Variants in CCDC171 observed in about 807,000 individuals in gnomAD.
The protein encoded by CCDC171 is coiled-coil domain containing 171.
Under a neutral mutation model 168.2 loss-of-function variants are expected in CCDC171, and 177 were observed. That is an observed-to-expected ratio of 1.05 (90% CI 0.93 to 1.19). CCDC171 has a LOEUF of 1.19. Among genes scored for constraint, CCDC171 ranks in the 50% most tolerant of loss-of-function variants. The pLI is 0.00. For missense variants in CCDC171, 1,991 were observed against 1,539.0 expected (o/e 1.29, Z -4.91); for synonymous variants, 687 against 540.8 (o/e 1.27, Z -3.75).
chr9:15,795,554 G>T (rs1415222914), intron 21 of CCDC171, among the ~76,000 whole-genome samples: 1 of 152,182 alleles, frequency 6.6e-6, no homozygotes, highest in African/African-American at 2.4e-5. Context: ...AACACCAAAT[G>T]ATGAGAAGGA....
At chr9:16,052,700 A>G (rs1833770346) in intron 1 of CCDC171, among the ~76,000 whole-genome samples, 1 of 152,042 alleles carries the variant, frequency 6.6e-6, no homozygotes, top group African/African-American at 2.4e-5. Context: ...GATTTGTTCC[A>G]TGATCTCAAG....
the CCDC171 span, among the ~76,000 whole-genome samples, chr9:16,079,433 G>C: frequency 1.3e-5 from 2 of 152,206 alleles, no homozygotes; most frequent in African/African-American, 4.8e-5. Flanking sequence ...GGGAAATGTG[G>C]AGACAATTAT....
At chr9:15,675,507 G>T (rs968132725) in intron 9 of CCDC171, among the ~76,000 whole-genome samples, 34 of 152,080 alleles carry the variant, frequency 2.2e-4, no homozygotes, top group African/African-American at 8.2e-4. Flanking sequence ...GCAGTGGCTG[G>T]TACCAGTTGT....
intron 25 of CCDC171, among the ~76,000 whole-genome samples, chr9:15,967,258 G>C (rs1314544521): frequency 6.6e-6 from 1 of 152,176 alleles, no homozygotes; most frequent in Non-Finnish European, 1.5e-5. Context: ...TCTTGTGGGT[G>C]CTTTGATTTC....
intron 11 of CCDC171, among the ~76,000 whole-genome samples, chr9:15,699,529 C>G (rs1328291757): frequency 1.3e-5 from 2 of 152,134 alleles, no homozygotes; most frequent in Non-Finnish European, 2.9e-5. Flanking sequence ...TGACAGGGCA[C>G]TGATTGGTGC....
At chr9:15,613,552 C>G (rs1418305060) in intron 6 of CCDC171, among the ~76,000 whole-genome samples, 3 of 141,612 alleles carry the variant, frequency 2.1e-5, no homozygotes, top group African/African-American at 7.9e-5. Context: ...CAGATGGAGT[C>G]TCGCTCTGTC....
chr9:15,925,590 A>C (rs1458066204), intron 25 of CCDC171, among the ~76,000 whole-genome samples: 1 of 151,626 alleles, frequency 6.6e-6, no homozygotes, highest in East Asian at 1.9e-4. Context: ...GTGAGGAACC[A>C]GCTAGACATG....
intron 6 of CCDC171, among the ~76,000 whole-genome samples, chr9:15,602,737 C>T (rs1223083641): frequency 1.4e-5 from 2 of 147,512 alleles, no homozygotes; most frequent in South Asian, 2.2e-4. Context: ...CTCACTGCAA[C>T]CTCTCCGCCT....
At chr9:15,779,879 A>G (rs1235811483) in intron 20 of CCDC171, among the ~76,000 whole-genome samples, 3 of 152,212 alleles carry the variant, frequency 2.0e-5, no homozygotes, top group East Asian at 1.9e-4. Flanking sequence ...TAATGCAGAC[A>G]TCCACATATT....
chr9:15,772,215 A>G (rs2135294879), intron 18 of CCDC171, among the ~76,000 whole-genome samples: 1 of 152,274 alleles, frequency 6.6e-6, no homozygotes, highest in South Asian at 2.1e-4. Context: ...TTATTGTTTA[A>G]GTTCGTGGAT....
At chr9:15,843,768 T>A (rs1563854285) in intron 21 of CCDC171, among the ~76,000 whole-genome samples, 2 of 152,146 alleles carry the variant, frequency 1.3e-5, no homozygotes, top group South Asian at 4.1e-4. Context: ...CTTAAAGGCC[T>A]CAAGGCCTAA....
At chr9:15,582,797 G>C (rs376566721) in intron 4 of CCDC171, among the ~76,000 whole-genome samples, 2 of 152,144 alleles carry the variant, frequency 1.3e-5, no homozygotes, top group African/African-American at 2.4e-5. Context: ...TGGGGGGCTG[G>C]GGGAGGGATA....
At chr9:15,813,385 G>A (rs2059436141) in intron 21 of CCDC171, among the ~76,000 whole-genome samples, 1 of 152,164 alleles carries the variant, frequency 6.6e-6, no homozygotes, top group African/African-American at 2.4e-5. Context: ...CACCAGTCAG[G>A]ACCATCTATT....
chr9:15,562,653 A>G lies in CCDC171; in HGVS notation c.-111-1325A>G, dbSNP rs147413355. 7.9e-4 allele frequency among the ~76,000 whole-genome samples: 120 copies of G among 152,280 alleles called. No individual in the cohort carries two copies. The East Asian group carries it at 0.012, about 15-fold the overall frequency. On this transcript the variant is annotated intron_variant, in intron 1 of 25. Coordinates refer to ENST00000380701, the MANE Select transcript of CCDC171 (RefSeq NM_173550.4). Reference sequence around the variant, plus strand: ...CCTAACTATCTGAAATTATTTTCCTAAGAGGTAAATAGAGGTCTGTTTATG... The same window carrying G: ...CCTAACTATCTGAAATTATTTTCCTGAGAGGTAAATAGAGGTCTGTTTATG...
chr9:16,015,063 A>T (rs1289479428), intron 3 of CCDC171, among the ~76,000 whole-genome samples: 2 of 152,146 alleles, frequency 1.3e-5, no homozygotes, highest in East Asian at 3.9e-4. Context: ...ACATGTATAC[A>T]TATGTAACTA....
intron 11 of CCDC171, among the ~76,000 whole-genome samples, chr9:15,696,867 A>G (rs558281714): frequency 6.6e-6 from 1 of 152,266 alleles, no homozygotes; most frequent in African/African-American, 2.4e-5. Flanking sequence ...TTCTGTATAG[A>G]TGCATACTTT....
rs148040344 is a variant in CCDC171, at chr9:15,874,606, C to T, written c.3543C>T (p.His1181=). The part of the protein sequence containing the change: ...NDFTLQLPKL[H]LETFAMEGLK... ...TCACCCTACAGCTACCCAAACTGCA[C>T]CTGGAGACCTTTGCAATGGAGGGGC... is the stretch of plus-strand genomic sequence containing the variant. Residue 1181 remains histidine (H), a synonymous_variant, in exon 24 of 26, where the codon CAC becomes CAT. Transcript: ENST00000380701. 3 of 1,606,330 alleles carry T rather than the reference C, an allele frequency of 1.9e-6. No homozygotes were observed. The highest frequency in any genetic ancestry group is 2.2e-5 in the South Asian group (2 of 89,680).
chr9:15,572,094 C>A (rs2040271394), intron 3 of CCDC171, among the ~76,000 whole-genome samples: 1 of 152,008 alleles, frequency 6.6e-6, no homozygotes, highest in African/African-American at 2.4e-5. Flanking sequence ...TTAAGGTCTC[C>A]ATTATGGAGC....
chr9:15,970,631 A>G (rs1831253610), intron 25 of CCDC171, among the ~76,000 whole-genome samples: 1 of 152,178 alleles, frequency 6.6e-6, no homozygotes, highest in South Asian at 2.1e-4. Context: ...GGCTTAAAGG[A>G]GCAGCTTTAT....
Sources: allele counts gnomAD v4.1 joint callset (sites outside exome capture counted in the v4.1 genomes callset), GRCh38; gene constraint gnomAD v4.1.1; transcripts MANE v1.5; gene names NCBI Gene and HGNC (gene_info 2026-07-23, HGNC 2026-07-21).